SOBP: variants seen among roughly 807,000 people sequenced by gnomAD.
SOBP encodes the protein sine oculis-binding protein homolog.
A neutral mutation model predicts 53.6 loss-of-function variants in SOBP; 4 were observed. The ratio of observed to expected loss-of-function variants is 0.07; its 90% confidence interval spans 0.04 to 0.17. SOBP has a LOEUF of 0.17. Among genes scored for constraint, SOBP ranks in the 10% least tolerant of loss-of-function variants. The pLI, the probability that SOBP is intolerant of heterozygous loss-of-function variation, is 1.00. For synonymous variants in SOBP, 584 were observed against 522.6 expected, an observed-to-expected ratio of 1.12 and a Z score of -1.60; for missense variants, 1,088 against 1,204.7, an observed-to-expected ratio of 0.90 and a Z score of 1.43.
chr6:107,534,336 G>A (rs768918374), intron 4 of SOBP, among the ~76,000 whole-genome samples: 5 of 152,262 alleles, frequency 3.3e-5, no homozygotes, highest in Non-Finnish European at 7.4e-5. Context: ...ACAATCACAC[G>A]CACATGCACA....
In SOBP at chr6:107,548,388, G is replaced by A. The variant is rs549695956; in HGVS notation, c.573+14778G>A. Among the ~76,000 whole-genome samples the A allele has an allele frequency of 6.6e-5, 10 of 151,628 alleles. No homozygotes were observed. The East Asian group carries it at 7.8e-4, about 12-fold the overall frequency. ...CTCCCGAGCAGCTGGGACTACAGGCGCCCGCCACCATGCCTGGCTAATTTT... is the reference window on the plus strand; with the variant it reads ...CTCCCGAGCAGCTGGGACTACAGGCACCCGCCACCATGCCTGGCTAATTTT... On this transcript the variant is annotated intron_variant, in intron 4 of 6. Transcript: ENST00000317357.
chr6:107,520,877 A>G (rs12204977), intron 3 of SOBP, among the ~76,000 whole-genome samples: 2,309 of 152,298 alleles, frequency 0.015, 33 homozygotes, highest in East Asian at 0.055. Flanking sequence ...CCCTTGGCCA[A>G]GAGGATTTGA....
intron 5 of SOBP, among the ~76,000 whole-genome samples, chr6:107,632,610 T>G (rs999216503): frequency 6.6e-6 from 1 of 152,228 alleles, no homozygotes; most frequent in Non-Finnish European, 1.5e-5. Context: ...TTCTCCAAAG[T>G]AATGGGTTCT....
intron 3 of SOBP, among the ~76,000 whole-genome samples, chr6:107,530,732 C>T (rs2114983765): frequency 6.6e-6 from 1 of 152,154 alleles, no homozygotes; most frequent in Admixed American, 6.6e-5. Flanking sequence ...GTATGAAAAA[C>T]TGCGGGGAGC....
chr6:107,557,742 A>G (rs1784655933), intron 4 of SOBP: 1 of 152,242 alleles, frequency 6.6e-6, no homozygotes, highest in African/African-American at 2.4e-5. Context: ...TCATTATTCT[A>G]AAATCTGGCT....
chr6:107,524,615 C>A (rs1783608859), intron 3 of SOBP, among the ~76,000 whole-genome samples: 1 of 152,174 alleles, frequency 6.6e-6, no homozygotes, highest in African/African-American at 2.4e-5. Context: ...CCATGGGTGT[C>A]TTTAGTCAAT....
intron 4 of SOBP, among the ~76,000 whole-genome samples, chr6:107,563,921 C>T (rs1465777954): frequency 6.6e-6 from 1 of 152,156 alleles, no homozygotes; most frequent in Non-Finnish European, 1.5e-5. Context: ...TGATAGCATC[C>T]GGTAGGGTTG....
intron 4 of SOBP, among the ~76,000 whole-genome samples, chr6:107,556,570 T>C (rs184900786): frequency 2.2e-4 from 33 of 152,386 alleles, no homozygotes; most frequent in Non-Finnish European, 3.5e-4. Context: ...TCCAATGTTC[T>C]TTCTTTGTGA....
chr6:107,657,907 G>A (rs1476297863), intron 6 of SOBP, among the ~76,000 whole-genome samples: 1 of 151,920 alleles, frequency 6.6e-6, no homozygotes, highest in Non-Finnish European at 1.5e-5. Flanking sequence ...TTGCTGGGTT[G>A]CAAAGGATGC....
rs114913105 is a variant in SOBP at position 107,597,713 on chromosome 6, A to G, written c.669+10538A>G. On this transcript the variant is annotated intron_variant, in intron 5 of 6. Coordinates refer to ENST00000317357, the MANE Select transcript of SOBP (RefSeq NM_018013.4). ...CTTCATGCATTTTGATTTTTAAACA[A>G]TGTTCTGACTGTCATCAAATCAGCC... Among the ~76,000 whole-genome samples, 826 of 152,264 alleles carry G rather than the reference A, an allele frequency of 5.4e-3. 3 individuals carry two copies. The highest frequency in any genetic ancestry group is 0.019 in the African/African-American group (778 of 41,560).
intron 4 of SOBP, among the ~76,000 whole-genome samples, chr6:107,562,472 A>T (rs1463376541): frequency 6.6e-6 from 1 of 152,218 alleles, no homozygotes; most frequent in Non-Finnish European, 1.5e-5. Context: ...AGCATATTTC[A>T]TGTTATGTTG....
At chr6:107,561,273 G>A (rs1469188631) in intron 4 of SOBP, among the ~76,000 whole-genome samples, 3 of 151,884 alleles carry the variant, frequency 2.0e-5, no homozygotes, top group African/African-American at 7.3e-5. Flanking sequence ...TAGTTCATGG[G>A]GTTTCTTTAA....
intron 6 of SOBP, among the ~76,000 whole-genome samples, chr6:107,646,221 A>G (rs1053493952): frequency 2.0e-5 from 3 of 152,252 alleles, no homozygotes; most frequent in Admixed American, 6.5e-5. Flanking sequence ...TGCCAGATCT[A>G]TGGGTTAAGT....
chr6:107,638,141 G>A (rs1170727462), intron 6 of SOBP, among the ~76,000 whole-genome samples: 1 of 152,224 alleles, frequency 6.6e-6, no homozygotes, highest in Non-Finnish European at 1.5e-5. Flanking sequence ...TCACCTCACA[G>A]CACAGTCTCA....
At position 107,577,709 on chromosome 6, in the gene SOBP, CTT is replaced by C. The variant is rs1162601980; in HGVS notation, c.574-9368_574-9367del. Among the ~76,000 whole-genome samples the C allele has an allele frequency of 3.3e-5, 5 of 152,128 alleles. 1 individual carries two copies. On this transcript the variant is annotated intron_variant, in intron 4 of 6. Transcript: ENST00000317357. ...ACTGAGTGAGTTTGGTAGGATGTGT[CTT>C]TTCTGGTATTGAGAGGCCTAGGTGT... is the stretch of plus-strand genomic sequence containing the variant.
At chr6:107,518,713 T>C (rs986407975) in intron 3 of SOBP, among the ~76,000 whole-genome samples, 2 of 151,384 alleles carry the variant, frequency 1.3e-5, no homozygotes, top group African/African-American at 4.9e-5. Flanking sequence ...ACTGTGGAAC[T>C]GTGTGTATAT....
intron 6 of SOBP, among the ~76,000 whole-genome samples, chr6:107,655,418 G>A (rs1255436069): frequency 1.3e-5 from 2 of 152,240 alleles, no homozygotes; most frequent in East Asian, 3.9e-4. Context: ...CTCCTCAAAT[G>A]TTATCAGCAG....
chr6:107,500,080 A>G (rs1401656283), intron 1 of SOBP, among the ~76,000 whole-genome samples: 1 of 152,198 alleles, frequency 6.6e-6, no homozygotes, highest in Admixed American at 6.5e-5. Context: ...ATAAACATTA[A>G]ATTCATGTCT....
chr6:107,577,110 TCGC>T (rs1294411962), intron 4 of SOBP, among the ~76,000 whole-genome samples: 1 of 152,200 alleles, frequency 6.6e-6, no homozygotes, highest in Non-Finnish European at 1.5e-5. Context: ...CTGCATCCTT[TCGC>T]ATGTTTTCTG....
Sources: gnomAD v4.1 joint callset for allele counts (sites outside exome capture counted in the v4.1 genomes callset) on GRCh38, gnomAD v4.1.1 for gene constraint, MANE v1.5 for transcripts, NCBI Gene and HGNC (gene_info 2026-07-23, HGNC 2026-07-21) for gene names.